Variants in GRK5 observed in about 807,000 individuals in gnomAD.
The protein encoded by GRK5 is g protein-coupled receptor kinase GRK5.
A neutral mutation model predicts 78.4 loss-of-function variants in GRK5; 40 were observed. The ratio of observed to expected loss-of-function variants is 0.51; its 90% CI spans 0.40 to 0.66. GRK5 has a LOEUF of 0.66. GRK5 is among the 30% of genes least tolerant of loss of function. GRK5 has a pLI of 0.00. For synonymous variants in GRK5, 289 were observed against 296.8 expected, an observed-to-expected ratio of 0.97 and a Z score of 0.27; for missense variants, 598 against 759.9, an observed-to-expected ratio of 0.79 and a Z score of 2.50.
intron 4 of GRK5, among the ~76,000 whole-genome samples, chr10:119,402,751 G>A (rs1428383802): frequency 6.6e-6 from 1 of 152,194 alleles, no homozygotes; most frequent in Non-Finnish European, 1.5e-5. Context: ...CTACTCCAGA[G>A]GCTGAGGTAC....
chr10:119,326,792 A>G (rs897311), intron 2 of GRK5, among the ~76,000 whole-genome samples, 181 bp downstream of exon 2: 7,926 of 152,346 alleles, frequency 0.052, 343 homozygotes, highest in African/African-American at 0.11. Flanking sequence ...TTGCTAATCA[A>G]CATAAACAGG....
chr10:119,212,092 A>G (rs1290664090), intron 1 of GRK5, among the ~76,000 whole-genome samples: 1 of 152,090 alleles, frequency 6.6e-6, no homozygotes, highest in Non-Finnish European at 1.5e-5. Context: ...TGGTTAAGGC[A>G]GCTCGGTGTG....
At chr10:119,383,662 GT>G (rs1357381551) in intron 3 of GRK5, among the ~76,000 whole-genome samples, 4 of 152,230 alleles carry the variant, frequency 2.6e-5, no homozygotes, top group Non-Finnish European at 2.9e-5. Flanking sequence ...TTGCACTGTA[GT>G]CATTATCCTG....
chr10:119,261,281 G>A (rs1488806382), intron 1 of GRK5, among the ~76,000 whole-genome samples: 1 of 140,392 alleles, frequency 7.1e-6, no homozygotes, highest in African/African-American at 2.7e-5. Context: ...GGGCAGAGGC[G>A]CTCCTCACAT....
rs1438737035 is a variant in GRK5, at chr10:119,378,467, C to G, written c.149-2348C>G. 6.6e-6 allele frequency among the ~76,000 whole-genome samples: 1 copy of G among 152,208 alleles called. No individual in the cohort carries two copies. The highest frequency in any genetic ancestry group is 6.5e-5 in the Admixed American group (1 of 15,292). ...AGAGTGCCTTCTTCAACATACGCTA[C>G]TTAGACCGGGCGAATTCCTCCCAAA... On this transcript the variant is annotated intron_variant, in intron 2 of 15. Transcript: ENST00000392870. The surrounding 1 kb of genome is among the most constrained non-coding windows in gnomAD (Gnocchi z 4.5).
intron 1 of GRK5, among the ~76,000 whole-genome samples, chr10:119,224,571 G>A (rs1295316113): frequency 4.0e-5 from 6 of 151,862 alleles, no homozygotes; most frequent in Admixed American, 1.3e-4. Context: ...CACCATGCCC[G>A]GCTAACTTTT....
At chr10:119,441,118 C>T (rs1055053000) in intron 10 of GRK5, among the ~76,000 whole-genome samples, 1 of 152,208 alleles carries the variant, frequency 6.6e-6, no homozygotes, top group Non-Finnish European at 1.5e-5. Context: ...GAGGGGCGGT[C>T]GGAGGGCCCA....
intron 2 of GRK5, among the ~76,000 whole-genome samples, chr10:119,373,944 C>T (rs1429436837): frequency 2.0e-5 from 3 of 152,160 alleles, no homozygotes; most frequent in African/African-American, 7.2e-5. Context: ...GACCATATGG[C>T]CCTCAAACTA....
intron 3 of GRK5, among the ~76,000 whole-genome samples, chr10:119,387,037 C>G (rs906985864): frequency 6.6e-6 from 1 of 152,002 alleles, no homozygotes; most frequent in Admixed American, 6.6e-5. Flanking sequence ...CAGAGTCTCA[C>G]TGTGTTGCCC....
chr10:119,427,816 A>ACCATCATCAGCATCACCG (rs1852729268), intron 6 of GRK5, among the ~76,000 whole-genome samples: 1 of 138,012 alleles, frequency 7.2e-6, no homozygotes, highest in African/African-American at 2.5e-5. Flanking sequence ...CAGCATCACC[A>ACCATCATCAGCATCACCG]CCATCATCAG....
intron 1 of GRK5, among the ~76,000 whole-genome samples, chr10:119,313,003 TCGTGAC>T (rs1259711875): frequency 1.9e-3 from 278 of 149,960 alleles, no homozygotes; most frequent in Middle Eastern, 3.4e-3. Context: ...GTAATGGTGG[TCGTGAC>T]GGTGATGGTA....
intron 1 of GRK5, among the ~76,000 whole-genome samples, chr10:119,316,640 A>G (rs1850492053): frequency 6.6e-6 from 1 of 152,216 alleles, no homozygotes; most frequent in African/African-American, 2.4e-5. Flanking sequence ...TATTGTTGCA[A>G]AAAGATACCC....
chr10:119,398,266 G>A (rs559124789), intron 4 of GRK5, among the ~76,000 whole-genome samples: 1 of 152,356 alleles, frequency 6.6e-6, no homozygotes, highest in East Asian at 1.9e-4. Flanking sequence ...ACTCAAGATA[G>A]TGTGGACACT....
At chr10:119,443,520 C>G (rs1194266495) in intron 11 of GRK5, 24 bp from the exon 12 acceptor site, 2 of 1,585,120 alleles carry the variant, frequency 1.3e-6, no homozygotes, top group African/African-American at 2.7e-5. Context: ...CTCCTCACTC[C>G]TCTCTCCTCT....
intron 1 of GRK5, among the ~76,000 whole-genome samples, chr10:119,288,073 G>T (rs4752274): frequency 0.52 from 78,652 of 152,126 alleles, 20,719 homozygotes; most frequent in East Asian, 0.75. Context: ...GCCCAGAGCG[G>T]GGAGGCCGTG....
At chr10:119,400,130 C>G (rs1852124989) in intron 4 of GRK5, among the ~76,000 whole-genome samples, 1 of 152,244 alleles carries the variant, frequency 6.6e-6, no homozygotes, top group South Asian at 2.1e-4. Context: ...GCACACTGTT[C>G]CATTGTTGTG....
intron 1 of GRK5, among the ~76,000 whole-genome samples, chr10:119,310,774 C>T (rs1232214341): frequency 1.3e-5 from 2 of 152,136 alleles, no homozygotes; most frequent in East Asian, 1.9e-4. Context: ...TCACACAGTG[C>T]GAGGGCTTCA....
intron 2 of GRK5, among the ~76,000 whole-genome samples, chr10:119,355,989 A>C (rs1029625305): frequency 6.6e-6 from 1 of 152,242 alleles, no homozygotes; most frequent in African/African-American, 2.4e-5. Flanking sequence ...AGATAACTCA[A>C]GATAGAAACT....
intron 2 of GRK5, among the ~76,000 whole-genome samples, chr10:119,346,252 CAG>C (rs1448760974): frequency 1.3e-5 from 2 of 152,224 alleles, no homozygotes; most frequent in East Asian, 3.9e-4. Flanking sequence ...AGCATCGCCG[CAG>C]CGGGGCCGAG....
Sources: gnomAD v4.1 joint callset for allele counts (sites outside exome capture counted in the v4.1 genomes callset) on GRCh38, gnomAD v4.1.1 for gene constraint, Gnocchi (gnomAD v3.1) non-coding constraint, MANE v1.5 for transcripts, NCBI Gene and HGNC (gene_info 2026-07-23, HGNC 2026-07-21) for gene names.